The following TMOD1 variants were observed in gnomAD, a reference collection of about 807,000 sequenced individuals.
The protein encoded by TMOD1 is tropomodulin 1.
A neutral mutation model predicts 40.6 loss-of-function variants in TMOD1; 17 were observed. The ratio of observed to expected loss-of-function variants is 0.42; its 90% confidence interval spans 0.29 to 0.63. TMOD1 has a LOEUF of 0.63. Ranked by LOEUF, TMOD1 falls within the 20% of genes least tolerant of loss-of-function variation. The probability of loss-of-function intolerance (pLI) is 0.22; values close to 1 mark genes in which losing one functional copy is unlikely to be tolerated. For synonymous variants in TMOD1, 181 were observed against 175.0 expected (o/e 1.03, Z -0.27); for missense variants, 391 against 447.6 (o/e 0.87, Z 1.14).
intron 6 of TMOD1, among the ~76,000 whole-genome samples, chr9:97,565,637 C>G (rs1659643275): frequency 6.6e-6 from 1 of 152,192 alleles, no homozygotes; most frequent in South Asian, 2.1e-4. Flanking sequence ...CAGGTCTTAT[C>G]TGAAATTTTC....
At chr9:97,541,577 G>A (rs982472445) in intron 2 of TMOD1, among the ~76,000 whole-genome samples, 3 of 148,558 alleles carry the variant, frequency 2.0e-5, no homozygotes, top group East Asian at 2.0e-4. Flanking sequence ...GTCTAGCGGC[G>A]TGATCTCAGC....
At chr9:97,588,327 T>A (rs1825923616) in intron 8 of TMOD1, among the ~76,000 whole-genome samples, 1 of 152,216 alleles carries the variant, frequency 6.6e-6, no homozygotes, top group South Asian at 2.1e-4. Context: ...GTGGTTTGAT[T>A]TGCATTTTCT....
chr9:97,590,035 C>T (rs915476879), intron 8 of TMOD1, among the ~76,000 whole-genome samples: 3 of 151,752 alleles, frequency 2.0e-5, no homozygotes, highest in Admixed American at 6.6e-5. Context: ...ACATACAAAT[C>T]GTCTATTTTG....
At chr9:97,586,410 C>G (rs1254625728) in intron 8 of TMOD1, among the ~76,000 whole-genome samples, 2 of 151,732 alleles carry the variant, frequency 1.3e-5, no homozygotes, top group Non-Finnish European at 2.9e-5. Flanking sequence ...CTCTTCAAAG[C>G]TGTCAGACAG....
At chr9:97,580,049 CAA>C (rs914734604) in intron 8 of TMOD1, among the ~76,000 whole-genome samples, 3 of 152,034 alleles carry the variant, frequency 2.0e-5, no homozygotes, top group African/African-American at 7.2e-5. Context: ...AGAAGGAAAG[CAA>C]AGAGTCATTT....
chr9:97,569,786 A>G lies in TMOD1; in HGVS notation c.870+749A>G, dbSNP rs373075570. Among the ~76,000 whole-genome samples, 93 of 151,298 alleles carry G rather than the reference A, an allele frequency of 6.1e-4. 2 individuals carry two copies. The highest frequency in any genetic ancestry group is 2.2e-3 in the African/African-American group (90 of 41,256). On this transcript the variant is annotated intron_variant, in intron 8 of 9. Transcript: ENST00000259365. ...AGTCTCAGTTTTCAGAAAATAGTCC[A>G]GACAGGCCAAAGATAAGCCCCTTTT... is the stretch of plus-strand genomic sequence containing the variant.
At chr9:97,593,775 T>G (rs1826047348) in intron 9 of TMOD1, among the ~76,000 whole-genome samples, 1 of 151,820 alleles carries the variant, frequency 6.6e-6, no homozygotes, top group African/African-American at 2.4e-5. Context: ...AGAGATAGGT[T>G]GATGGAGGAG....
intron 2 of TMOD1, among the ~76,000 whole-genome samples, chr9:97,534,967 G>C (rs949138323): frequency 2.0e-5 from 3 of 152,184 alleles, no homozygotes; most frequent in Non-Finnish European, 2.9e-5. Flanking sequence ...GCATGGCAGT[G>C]GGAGAGTGCA....
chr9:97,532,094 G>A (rs980578152), intron 2 of TMOD1, among the ~76,000 whole-genome samples: 3 of 152,230 alleles, frequency 2.0e-5, no homozygotes, highest in Admixed American at 6.5e-5. Flanking sequence ...CCACAGGGCC[G>A]TGATTCTCCT....
chr9:97,596,719 C>A (rs73552512), intron 9 of TMOD1, among the ~76,000 whole-genome samples: 18,744 of 152,174 alleles, frequency 0.12, 3,290 homozygotes, highest in African/African-American at 0.38. Flanking sequence ...TTCCAGGTAG[C>A]CTGAGTGCCC....
chr9:97,593,129 C>T (rs1490826374), intron 9 of TMOD1, among the ~76,000 whole-genome samples: 1 of 152,188 alleles, frequency 6.6e-6, no homozygotes, highest in African/African-American at 2.4e-5. Context: ...AGTTAAGTTT[C>T]TTCTGTGCCC....
Position 97,596,427 on chromosome 9 carries a change from CTGTG to C in TMOD1, c.1016-3203_1016-3200del, listed in dbSNP as rs138057345. Among the ~76,000 whole-genome samples, 15 of 152,352 alleles carry C rather than the reference CTGTG, an allele frequency of 9.8e-5. No individual in the cohort carries two copies. In the East Asian group the frequency reaches 2.9e-3, roughly 29 times the overall value. ...ATAGCTGACTCTTACATGGCACTTACTGTGTGTTAGAGACTGTTCTGAATACTTC... is the reference window on the plus strand; with the variant it reads ...ATAGCTGACTCTTACATGGCACTTACTGTTAGAGACTGTTCTGAATACTTC... On this transcript the variant is annotated intron_variant, in intron 9 of 9. Coordinates refer to ENST00000259365, the MANE Select transcript of TMOD1 (RefSeq NM_003275.4).
chr9:97,592,072 ATG>A (rs1826013905), intron 9 of TMOD1, among the ~76,000 whole-genome samples: 1 of 151,932 alleles, frequency 6.6e-6, no homozygotes, highest in Non-Finnish European at 1.5e-5. Context: ...TTTTTTGATA[ATG>A]AACACTTATA....
At chr9:97,566,844 TATTGAG>T (rs71971904) in intron 7 of TMOD1, among the ~76,000 whole-genome samples, 26,247 of 151,942 alleles carry the variant, frequency 0.17, 2,874 homozygotes, top group East Asian at 0.46. Context: ...AGCACATATG[TATTGAG>T]AGTCTCTCTG....
intron 8 of TMOD1, among the ~76,000 whole-genome samples, chr9:97,586,603 C>T (rs1243673809): frequency 6.6e-6 from 1 of 152,046 alleles, no homozygotes; most frequent in Admixed American, 6.5e-5. Flanking sequence ...CCTCCCCCAG[C>T]CTCGCTGCCG....
rs1052133409 is a variant in TMOD1 at position 97,557,789 on chromosome 9, G to A, written c.397+4389G>A. On this transcript the variant is annotated intron_variant, in intron 4 of 9. Transcript: ENST00000259365. The surrounding 1 kb of genome is among the most constrained non-coding windows in gnomAD (Gnocchi z 4.4). ...TACCAAATGAGTGAACTCTGCCAAG[G>A]CAGGGAGAGGAAACAGAACTCAATG... is the stretch of plus-strand genomic sequence containing the variant. Among the ~76,000 whole-genome samples, 56 of 152,110 alleles carry A rather than the reference G, an allele frequency of 3.7e-4. No homozygotes were observed. The highest frequency in any genetic ancestry group is 1.3e-3 in the African/African-American group (53 of 41,418).
rs1327896299 is a variant in TMOD1, at chr9:97,599,764, GGAAACCAGAAGGCAAAATGCTGGCAGCAT to G, written c.*73_*101del. 2.5e-6 allele frequency: 4 copies of G among 1,610,306 alleles called. No homozygotes were observed. In the East Asian group the frequency reaches 8.9e-5, roughly 36 times the overall value. Reference sequence around the variant, plus strand: ...CTATTGATGACCTGTGCTCTGCAGGGGAAACCAGAAGGCAAAATGCTGGCAGCATGAAACCCTTTTGTGGTTCAGTTCTT... The same window carrying G: ...CTATTGATGACCTGTGCTCTGCAGGGGAAACCCTTTTGTGGTTCAGTTCTT... On this transcript the variant is annotated 3_prime_UTR_variant, in exon 10 of 10. Coordinates refer to ENST00000259365, the MANE Select transcript of TMOD1 (RefSeq NM_003275.4).
At chr9:97,585,207 C>T (rs1825843705) in intron 8 of TMOD1, among the ~76,000 whole-genome samples, 2 of 152,198 alleles carry the variant, frequency 1.3e-5, no homozygotes, top group Admixed American at 1.3e-4. Flanking sequence ...CTGGTGGTGA[C>T]AAAATCTCTC....
chr9:97,531,472 G>A lies in TMOD1; in HGVS notation c.120+7164G>A, dbSNP rs539269608. The stretch of plus-strand genomic sequence containing the variant: ...CTTAAAATACAAAAATTAGCTAGGC[G>A]TGGTGGTGCGCAACTGTAATCCCAG... On this transcript the variant is annotated intron_variant, in intron 2 of 9. Coordinates refer to ENST00000259365, the MANE Select transcript of TMOD1 (RefSeq NM_003275.4). Among the ~76,000 whole-genome samples, 27 of 152,224 alleles carry A rather than the reference G, an allele frequency of 1.8e-4. No individual in the cohort carries two copies. In the South Asian group the frequency reaches 4.4e-3, roughly 25 times the overall value.
Sources: allele counts gnomAD v4.1 joint callset (sites outside exome capture counted in the v4.1 genomes callset), GRCh38; gene constraint gnomAD v4.1.1; non-coding constraint Gnocchi (gnomAD v3.1); transcripts MANE v1.5; gene names NCBI Gene and HGNC (gene_info 2026-07-23, HGNC 2026-07-21).